The following NWD2 variants were observed in gnomAD, a reference collection of about 807,000 sequenced individuals.
NWD2 encodes the protein NACHT and WD repeat domain-containing protein 2.
A neutral mutation model predicts 132.7 loss-of-function variants in NWD2; 37 were observed. That is an observed-to-expected ratio of 0.28 (90% CI 0.21 to 0.37). The LOEUF is 0.37. Ranked by LOEUF, NWD2 falls within the 10% of genes least tolerant of loss-of-function variation. The pLI, the probability that NWD2 is intolerant of heterozygous loss-of-function variation, is 1.00. For synonymous variants in NWD2, 705 were observed against 803.0 expected (o/e 0.88, Z 2.06); for missense variants, 1,592 against 2,122.4 (o/e 0.75, Z 4.91).
intron 3 of NWD2, among the ~76,000 whole-genome samples, chr4:37,393,579 G>A (rs866911701): frequency 2.0e-5 from 3 of 152,220 alleles, no homozygotes; most frequent in Non-Finnish European, 4.4e-5. Context: ...ACTCCTTAAC[G>A]GGCCATTGCG....
chr4:37,408,903 C>T (rs189094241), intron 3 of NWD2, among the ~76,000 whole-genome samples: 26 of 152,294 alleles, frequency 1.7e-4, no homozygotes, highest in African/African-American at 6.0e-4. Flanking sequence ...AGGAGTGAAC[C>T]TCCAGCAAAC....
chr4:37,289,366 GCCAA>G (rs1481527388), intron 1 of NWD2, among the ~76,000 whole-genome samples: 4 of 152,056 alleles, frequency 2.6e-5, no homozygotes, highest in Non-Finnish European at 2.9e-5. Context: ...ACCACATGAG[GCCAA>G]CCAACCATTT....
intron 1 of NWD2, among the ~76,000 whole-genome samples, chr4:37,325,528 C>T (rs543469294): frequency 2.0e-5 from 3 of 152,058 alleles, no homozygotes; most frequent in Non-Finnish European, 4.4e-5. Flanking sequence ...AATTTATCAA[C>T]GTGTGTGTAT....
intron 2 of NWD2, among the ~76,000 whole-genome samples, chr4:37,345,906 T>C (rs1403061562): frequency 1.3e-5 from 2 of 151,680 alleles, no homozygotes; most frequent in East Asian, 3.9e-4. Flanking sequence ...CATGGCAAAA[T>C]CCCGTCTCTA....
At chr4:37,289,121 T>C (rs1387876097) in intron 1 of NWD2, among the ~76,000 whole-genome samples, 1 of 152,224 alleles carries the variant, frequency 6.6e-6, no homozygotes, top group Non-Finnish European at 1.5e-5. Flanking sequence ...AGATTGTCAG[T>C]GACTTCTCAT....
At chr4:37,386,792 G>T (rs931236727) in intron 3 of NWD2, among the ~76,000 whole-genome samples, 1 of 149,410 alleles carries the variant, frequency 6.7e-6, no homozygotes, top group Non-Finnish European at 1.5e-5. Context: ...TGAATGAGTT[G>T]GTACCATTCC....
At chr4:37,375,851 G>A (rs529047970) in intron 3 of NWD2, among the ~76,000 whole-genome samples, 1 of 152,326 alleles carries the variant, frequency 6.6e-6, no homozygotes, top group Admixed American at 6.5e-5. Context: ...ACAGGCGTGA[G>A]CCACCGCGCC....
At chr4:37,423,627 G>A (rs554270712) in intron 3 of NWD2, among the ~76,000 whole-genome samples, 7 of 152,244 alleles carry the variant, frequency 4.6e-5, no homozygotes, top group Admixed American at 2.6e-4. Flanking sequence ...TTCTCTTCAG[G>A]CCCTCAATGG....
intron 1 of NWD2, among the ~76,000 whole-genome samples, chr4:37,310,440 AAC>A (rs1441963446): frequency 6.6e-6 from 1 of 152,194 alleles, no homozygotes; most frequent in Non-Finnish European, 1.5e-5. Flanking sequence ...GTGTAGAAAT[AAC>A]ACAGTGAATT....
At chr4:37,425,385 G>A (rs6811653) in intron 3 of NWD2, among the ~76,000 whole-genome samples, 1,709 of 152,204 alleles carry the variant, frequency 0.011, 30 homozygotes, top group African/African-American at 0.039. Context: ...GTGTTGTATT[G>A]TTGCTTTCTG....
intron 2 of NWD2, among the ~76,000 whole-genome samples, chr4:37,339,222 G>A (rs1324259611): frequency 3.3e-5 from 5 of 152,142 alleles, no homozygotes; most frequent in African/African-American, 1.2e-4. Context: ...TTATAAAAAG[G>A]GGGAAGGGAG....
chr4:37,430,865 G>A (rs1014444492), intron 4 of NWD2, 90 bp downstream of exon 4: 2 of 1,180,850 alleles, frequency 1.7e-6, no homozygotes, highest in African/African-American at 1.5e-5. Flanking sequence ...CACAGAAAAG[G>A]CAGAGTAGAC....
chr4:37,387,939 T>C (rs530655527), intron 3 of NWD2, among the ~76,000 whole-genome samples: 1 of 139,456 alleles, frequency 7.2e-6, no homozygotes, highest in African/African-American at 2.7e-5. Flanking sequence ...CTTGAAATAT[T>C]TATTCTTATA....
At chr4:37,286,401 GCTACAT>G in intron 1 of NWD2, among the ~76,000 whole-genome samples, 1 of 152,196 alleles carries the variant, frequency 6.6e-6, no homozygotes, top group Non-Finnish European at 1.5e-5. Flanking sequence ...TGCCATGCAT[GCTACAT>G]TCCAGGGAAC....
At chr4:37,345,749 A>G (rs964949481) in intron 2 of NWD2, among the ~76,000 whole-genome samples, 1 of 152,154 alleles carries the variant, frequency 6.6e-6, no homozygotes, top group Admixed American at 6.6e-5. Flanking sequence ...TATTTTTAGC[A>G]TAATATCCAA....
chr4:37,409,307 G>T lies in NWD2; in HGVS notation c.358-21265G>T, dbSNP rs536938422. ...TAACTAGAATAACCAGTTTAGAGAA[G>T]AACATAAATGACCTGATGGATCTGA... On this transcript the variant is annotated intron_variant, in intron 3 of 6. Transcript: ENST00000309447. 2.2e-4 allele frequency among the ~76,000 whole-genome samples: 33 copies of T among 151,910 alleles called. No homozygotes were observed. In the South Asian group the frequency reaches 6.7e-3, roughly 31 times the overall value.
chr4:37,295,325 G>A (rs2109274053), intron 1 of NWD2, among the ~76,000 whole-genome samples: 1 of 152,260 alleles, frequency 6.6e-6, no homozygotes, highest in Non-Finnish European at 1.5e-5. Context: ...CTTTGTGTTT[G>A]AACACCTCCA....
intron 1 of NWD2, among the ~76,000 whole-genome samples, chr4:37,255,065 C>A (rs1220446438): frequency 6.6e-6 from 1 of 152,108 alleles, no homozygotes; most frequent in African/African-American, 2.4e-5. Context: ...TATTAGATAC[C>A]CATTGTGCAC....
intron 1 of NWD2, among the ~76,000 whole-genome samples, chr4:37,251,664 T>C (rs1285744890): frequency 6.6e-6 from 1 of 152,222 alleles, no homozygotes; most frequent in East Asian, 1.9e-4. Flanking sequence ...CTCCAGATCT[T>C]ATGCAGGTGC....
Sources: gnomAD v4.1 joint callset for allele counts (sites outside exome capture counted in the v4.1 genomes callset) on GRCh38, gnomAD v4.1.1 for gene constraint, MANE v1.5 for transcripts, NCBI Gene and HGNC (gene_info 2026-07-23, HGNC 2026-07-21) for gene names.